The following BAZ2B variants were observed in gnomAD, a reference collection of about 807,000 sequenced individuals.
BAZ2B encodes the protein bromodomain adjacent to zinc finger domain 2B.
BAZ2B carries 91 observed loss-of-function variants against 246.0 expected under a neutral mutation model. The observed-to-expected ratio is 0.37, with a 90% CI of 0.31 to 0.44. The LOEUF is 0.44. BAZ2B is among the 20% of genes least tolerant of loss of function. The pLI, the probability that BAZ2B is intolerant of heterozygous loss-of-function variation, is 1.00. For synonymous variants in BAZ2B, 855 were observed against 860.0 expected, an observed-to-expected ratio of 0.99 and a Z score of 0.10; for missense variants, 2,332 against 2,533.7, an observed-to-expected ratio of 0.92 and a Z score of 1.71.
chr2:159,436,935 C>A (rs1479281223), intron 8 of BAZ2B, among the ~76,000 whole-genome samples: 1 of 152,044 alleles, frequency 6.6e-6, no homozygotes, highest in Admixed American at 6.6e-5. Context: ...ATGAGGGATG[C>A]AGGTAGGTAC....
chr2:159,677,944 A>G, the BAZ2B span, among the ~76,000 whole-genome samples: 3 of 152,098 alleles, frequency 2.0e-5, no homozygotes, highest in Non-Finnish European at 4.4e-5. Flanking sequence ...TATTCAAAAA[A>G]TAAATACTTA....
At chr2:159,586,611 T>G (rs1449669310) in intron 1 of BAZ2B, among the ~76,000 whole-genome samples, 1 of 152,062 alleles carries the variant, frequency 6.6e-6, no homozygotes, top group African/African-American at 2.4e-5. Flanking sequence ...TTAAAAGACT[T>G]AAATCCTAGC....
chr2:159,561,089 T>C (rs1315640157), intron 1 of BAZ2B, among the ~76,000 whole-genome samples: 1 of 152,148 alleles, frequency 6.6e-6, no homozygotes, highest in Non-Finnish European at 1.5e-5. Flanking sequence ...GATTTGGATA[T>C]GGTTTGTTTG....
chr2:159,411,066 G>A (rs2066763405), intron 14 of BAZ2B, among the ~76,000 whole-genome samples: 1 of 152,180 alleles, frequency 6.6e-6, no homozygotes. Flanking sequence ...CTGTCAGCCA[G>A]GCTGAAGCGC....
intron 5 of BAZ2B, 77 bp from the exon 6 acceptor site, chr2:159,447,052 C>A: frequency 2.9e-6 from 3 of 1,019,142 alleles, no homozygotes; most frequent in Non-Finnish European, 4.0e-6. Context: ...GATATATGTA[C>A]AGTTGGATGA....
intron 3 of BAZ2B, among the ~76,000 whole-genome samples, chr2:159,465,475 C>A (rs1209043208): frequency 6.6e-6 from 1 of 152,142 alleles, no homozygotes; most frequent in Admixed American, 6.5e-5. Context: ...TTGACTTGAA[C>A]ATATTAACTT....
intron 33 of BAZ2B, among the ~76,000 whole-genome samples, chr2:159,334,382 T>C (rs1425909960): frequency 6.6e-6 from 1 of 152,172 alleles, no homozygotes; most frequent in African/African-American, 2.4e-5. Flanking sequence ...ATATAAAGCA[T>C]ACTGTGGGTA....
chr2:159,583,954 A>C (rs1301405700), intron 1 of BAZ2B, among the ~76,000 whole-genome samples: 4 of 152,162 alleles, frequency 2.6e-5, no homozygotes. Flanking sequence ...AACAACAAGA[A>C]GGTTAGTGTA....
Position 159,439,080 on chromosome 2 carries a change from GATC to G in BAZ2B, c.826_828del (p.Asp276del), listed in dbSNP as rs768131633. 4 of 1,613,512 alleles carry G rather than the reference GATC, an allele frequency of 2.5e-6. No individual in the cohort carries two copies. The highest frequency in any genetic ancestry group is 2.7e-5 in the African/African-American group (2 of 74,856). On this transcript the variant is annotated inframe_deletion, in exon 7 of 37. Transcript: ENST00000392783. ...TCATCTTCACTTTCTTCAATACTTT[GATC>G]TTCTTCTTCTTCATCTTCTTCTAGA...
the BAZ2B span, among the ~76,000 whole-genome samples, chr2:159,674,030 A>AT: frequency 2.6e-5 from 1 of 38,598 alleles, no homozygotes; most frequent in African/African-American, 8.3e-5. Context: ...TGACATAATT[A>AT]ATTTTTTTTT....
the BAZ2B span, among the ~76,000 whole-genome samples, chr2:159,687,156 C>T: frequency 6.6e-6 from 1 of 151,572 alleles, no homozygotes; most frequent in South Asian, 2.1e-4. Context: ...TCTTTTTCAA[C>T]TGTGAAAATA....
At chr2:159,525,077 A>G (rs980662827) in intron 2 of BAZ2B, among the ~76,000 whole-genome samples, 1 of 152,208 alleles carries the variant, frequency 6.6e-6, no homozygotes, top group South Asian at 2.1e-4. Flanking sequence ...AGTGGTATAA[A>G]TAAAGTACTC....
chr2:159,668,835 T>G, the BAZ2B span, among the ~76,000 whole-genome samples: 1 of 152,130 alleles, frequency 6.6e-6, no homozygotes, highest in African/African-American at 2.4e-5. Flanking sequence ...GGCAGGCTGA[T>G]CACTTGAGAT....
intron 14 of BAZ2B, among the ~76,000 whole-genome samples, chr2:159,411,478 G>A (rs2066830432): frequency 6.6e-6 from 1 of 152,146 alleles, no homozygotes; most frequent in Non-Finnish European, 1.5e-5. Flanking sequence ...AAACCCATGA[G>A]AAGTAGTAAA....
At chr2:159,406,294 G>A (rs1389988427) in intron 14 of BAZ2B, among the ~76,000 whole-genome samples, 1 of 152,176 alleles carries the variant, frequency 6.6e-6, no homozygotes, top group African/African-American at 2.4e-5. Context: ...TGGGGGCTAG[G>A]CTATTGGGAG....
chr2:159,349,086 T>A lies in BAZ2B; in HGVS notation c.5058A>T (p.Glu1686Asp). ...CTGCAGGTTGAGCTGAAGTGGCCTTTTCATTCTGTGGTACTGGAGATTCAC... is the reference window on the plus strand; with the variant it reads ...CTGCAGGTTGAGCTGAAGTGGCCTTATCATTCTGTGGTACTGGAGATTCAC... Reference protein sequence around the residue: ...SKSESPVPQNEKATSAQPAAV... With the variant: ...SKSESPVPQNDKATSAQPAAV... Residue 1686 changes from glutamate (E) to aspartate (D), a missense_variant, in exon 29 of 37, where the codon GAA (glutamate) becomes GAT (aspartate). Transcript: ENST00000392783. 4 of 1,614,154 alleles carry A rather than the reference T, an allele frequency of 2.5e-6. No individual in the cohort carries two copies. The highest frequency in any genetic ancestry group is 3.4e-6 in the Non-Finnish European group (4 of 1,180,000).
chr2:159,514,240 T>C (rs2083217377), intron 2 of BAZ2B, among the ~76,000 whole-genome samples: 1 of 152,196 alleles, frequency 6.6e-6, no homozygotes, highest in Non-Finnish European at 1.5e-5. Context: ...TTTGCTGATA[T>C]TTCCCATGTA....
the BAZ2B span, among the ~76,000 whole-genome samples, chr2:159,676,247 G>A: frequency 6.6e-6 from 1 of 151,834 alleles, no homozygotes; most frequent in Non-Finnish European, 1.5e-5. Flanking sequence ...TGCCCAGGCT[G>A]GTCTTGAACT....
intron 1 of BAZ2B, among the ~76,000 whole-genome samples, chr2:159,591,705 G>A (rs1054766349): frequency 6.6e-6 from 1 of 151,740 alleles, no homozygotes; most frequent in Non-Finnish European, 1.5e-5. Context: ...TCCTACTATG[G>A]GTGGCCCAAA....
Sources: allele counts gnomAD v4.1 joint callset (sites outside exome capture counted in the v4.1 genomes callset), GRCh38; gene constraint gnomAD v4.1.1; transcripts MANE v1.5; gene names NCBI Gene and HGNC (gene_info 2026-07-23, HGNC 2026-07-21).